The following ARIH1 variants were observed in gnomAD, a reference collection of about 807,000 sequenced individuals.
ARIH1 encodes the protein E3 ubiquitin-protein ligase ARIH1.
In ARIH1, 8 loss-of-function variants were observed where a neutral mutation model predicts 85.0. The observed-to-expected ratio is 0.09, with a 90% CI of 0.06 to 0.17. The LOEUF (loss-of-function observed/expected upper bound fraction) is 0.17, where lower values mean the gene tolerates loss of function less well. Ranked by LOEUF, ARIH1 falls within the 10% of genes least tolerant of loss-of-function variation. The pLI, the probability that ARIH1 is intolerant of heterozygous loss-of-function variation, is 1.00. For missense variants in ARIH1, 311 were observed against 718.1 expected, an observed-to-expected ratio of 0.43 and a Z score of 6.48; for synonymous variants, 238 against 253.6, an observed-to-expected ratio of 0.94 and a Z score of 0.59.
At chr15:72,570,811 T>C (rs1238709400) in intron 10 of ARIH1, among the ~76,000 whole-genome samples, 2 of 152,142 alleles carry the variant, frequency 1.3e-5, no homozygotes. Context: ...TTCCTTGTTT[T>C]ATTGATGACT....
chr15:72,506,695 A>G (rs1276272446), intron 1 of ARIH1, among the ~76,000 whole-genome samples: 1 of 152,154 alleles, frequency 6.6e-6, no homozygotes, highest in East Asian at 1.9e-4. Flanking sequence ...ACATGAGCCC[A>G]TGCTTCTGTA....
chr15:72,573,729 C>T (rs1347901305), intron 11 of ARIH1, among the ~76,000 whole-genome samples: 1 of 151,392 alleles, frequency 6.6e-6, no homozygotes, highest in African/African-American at 2.4e-5. Flanking sequence ...AAACAAAAAC[C>T]AGCTATAAAT....
At chr15:72,553,348 T>TAG (rs2064161047) in intron 3 of ARIH1, among the ~76,000 whole-genome samples, 1 of 152,216 alleles carries the variant, frequency 6.6e-6, no homozygotes, top group Admixed American at 6.5e-5. Flanking sequence ...AACAAAGTGT[T>TAG]AGTTACTATT....
At chr15:72,562,594 G>A (rs2064201859) in intron 6 of ARIH1, among the ~76,000 whole-genome samples, 1 of 151,298 alleles carries the variant, frequency 6.6e-6, no homozygotes, top group Non-Finnish European at 1.5e-5. Context: ...TTAGGAACTG[G>A]GTTTTTTGTT....
rs574377204 is a variant in ARIH1 at position 72,545,206 on chromosome 15, A to G, written c.588+242A>G. On this transcript the variant is annotated intron_variant, in intron 3 of 13. Transcript: ENST00000379887. ...TGTCCAAGTTGTCATTTATAGACCT[A>G]AATCTTTCTGGAGTTTATTCTATCA... 1.1e-4 allele frequency among the ~76,000 whole-genome samples: 17 copies of G among 152,328 alleles called. No individual in the cohort carries two copies. The South Asian group carries it at 1.7e-3, about 15-fold the overall frequency.
intron 1 of ARIH1, among the ~76,000 whole-genome samples, chr15:72,490,698 A>G (rs2063855655): frequency 1.3e-5 from 2 of 152,032 alleles, no homozygotes; most frequent in Non-Finnish European, 2.9e-5. Flanking sequence ...TTTATCATTC[A>G]TGACAAGCAG....
chr15:72,501,353 T>C (rs567122505), intron 1 of ARIH1, among the ~76,000 whole-genome samples: 4 of 152,358 alleles, frequency 2.6e-5, no homozygotes, highest in East Asian at 3.9e-4. Context: ...AATAATCTTA[T>C]GTTTGTTATT....
chr15:72,518,512 G>A lies in ARIH1; in HGVS notation c.443+378G>A, dbSNP rs142582183. Among the ~76,000 whole-genome samples, 17 of 152,158 alleles carry A rather than the reference G, an allele frequency of 1.1e-4. No homozygotes were observed. The East Asian group carries it at 1.2e-3, about 10-fold the overall frequency. On this transcript the variant is annotated intron_variant, in intron 2 of 13. Transcript: ENST00000379887. ...ACTTAAAAAGATTTCTTGCTCATCC[G>A]GGCATGGTGGCTCACGCCTGTGATC...
chr15:72,543,632 GAT>G (rs1235637135), intron 2 of ARIH1, among the ~76,000 whole-genome samples: 2 of 152,120 alleles, frequency 1.3e-5, no homozygotes, highest in African/African-American at 4.8e-5. Context: ...GGTACAGTAA[GAT>G]ATAGTAGCCT....
At chr15:72,508,462 T>A (rs1365587001) in intron 1 of ARIH1, among the ~76,000 whole-genome samples, 1 of 152,202 alleles carries the variant, frequency 6.6e-6, no homozygotes, top group Non-Finnish European at 1.5e-5. Context: ...AATTAAAAAA[T>A]AATTTCTCCA....
At position 72,499,092 on chromosome 15, in the gene ARIH1, C is replaced by T. The variant is rs541989129; in HGVS notation, c.376-18975C>T. ...GCCTCCCGGGTTCAAGCCATTCTCCCGCCTCATCCTCCTGAGTAGCTGGGA... is the reference window on the plus strand; with the variant it reads ...GCCTCCCGGGTTCAAGCCATTCTCCTGCCTCATCCTCCTGAGTAGCTGGGA... On this transcript the variant is annotated intron_variant, in intron 1 of 13. Transcript: ENST00000379887. 8.0e-5 allele frequency among the ~76,000 whole-genome samples: 12 copies of T among 149,180 alleles called. No individual in the cohort carries two copies. In the South Asian group the frequency reaches 2.1e-3, roughly 26 times the overall value.
chr15:72,474,872 G>T lies in ARIH1; in HGVS notation c.233G>T (p.Gly78Val). 1 of 1,423,942 alleles carries T rather than the reference G, an allele frequency of 7.0e-7. No individual in the cohort carries two copies. Among genetic ancestry groups the T allele is most frequent in the Non-Finnish European group, 9.2e-7 (1 of 1,082,682 alleles). 88.2% of individuals were successfully genotyped at this position (1,423,942 alleles called of 1,614,324 possible). The stretch of plus-strand genomic sequence containing the variant: ...GGCGGCAGCGCTCTGGGGCCCGGCG[G>T]TGGCGGCGGCGGCGGCGGCGGCGGT... ...GGGGSALGPG[G>V]GGGGGGGGGG... The change falls in exon 1 of 14, where the codon GGT becomes GTT. Residue 78 changes from glycine to valine, a missense_variant. Physicochemically the swap from Gly to Val is moderately radical, Grantham distance 109. Around this residue, in one of 3 missense-constraint regions of ARIH1, gnomAD observed 157 missense variants for 185.1 expected, o/e 0.85. Coordinates refer to ENST00000379887, the MANE Select transcript of ARIH1 (RefSeq NM_005744.5).
At chr15:72,489,247 C>CAAAAA (rs3028452) in intron 1 of ARIH1, among the ~76,000 whole-genome samples, 32 of 83,710 alleles carry the variant, frequency 3.8e-4, no homozygotes, top group Middle Eastern at 9.1e-3. Context: ...GACCATGTCT[C>CAAAAA]AAAAAAAAAA....
rs375251393 is a variant in ARIH1 at position 72,540,505 on chromosome 15, G to T, written c.444-4315G>T. ...GTGAATGGACCATATAATAAATACA[G>T]ATCAGAACAAATACATGAAACTTTG... On this transcript the variant is annotated intron_variant, in intron 2 of 13. Coordinates refer to ENST00000379887, the MANE Select transcript of ARIH1 (RefSeq NM_005744.5). Among the ~76,000 whole-genome samples, 20 of 152,164 alleles carry T rather than the reference G, an allele frequency of 1.3e-4. No individual in the cohort carries two copies. The East Asian group carries it at 2.3e-3, about 18-fold the overall frequency.
Position 72,549,261 on chromosome 15 carries a change from T to C in ARIH1, c.588+4297T>C, listed in dbSNP as rs535109585. ...CACCACCACACCTGTCTAATTTTTG[T>C]ATTTTTAGTAGACATGGGGTTCCAC... On this transcript the variant is annotated intron_variant, in intron 3 of 13. Coordinates refer to ENST00000379887, the MANE Select transcript of ARIH1 (RefSeq NM_005744.5). Among the ~76,000 whole-genome samples, 10 of 152,116 alleles carry C rather than the reference T, an allele frequency of 6.6e-5. No homozygotes were observed. The South Asian group carries it at 1.9e-3, about 28-fold the overall frequency.
intron 2 of ARIH1, among the ~76,000 whole-genome samples, chr15:72,539,064 A>C (rs573504294): frequency 2.6e-5 from 4 of 152,224 alleles, no homozygotes; most frequent in Non-Finnish European, 5.9e-5. Context: ...AGAGAAGCAC[A>C]GTCCTAGGAT....
chr15:72,562,150 G>GATTCTA (rs1176454067), intron 6 of ARIH1, among the ~76,000 whole-genome samples: 3 of 152,088 alleles, frequency 2.0e-5, no homozygotes, highest in Non-Finnish European at 4.4e-5. Flanking sequence ...TCATGTTTGA[G>GATTCTA]ATTCTAACCC....
At chr15:72,504,886 A>T (rs778524574) in intron 1 of ARIH1, among the ~76,000 whole-genome samples, 1 of 152,196 alleles carries the variant, frequency 6.6e-6, no homozygotes, top group Non-Finnish European at 1.5e-5. Context: ...AGCATTAATT[A>T]TGTTGACCCT....
intron 2 of ARIH1, among the ~76,000 whole-genome samples, chr15:72,522,458 T>G (rs2140413356): frequency 6.6e-6 from 1 of 152,122 alleles, no homozygotes; most frequent in South Asian, 2.1e-4. Flanking sequence ...AGGCTGAGGT[T>G]GTGGTGAGCT....
Sources: gnomAD v4.1 joint callset for allele counts (sites outside exome capture counted in the v4.1 genomes callset) on GRCh38, gnomAD v4.1.1 for gene constraint, gnomAD v4.1.1 regional missense constraint, MANE v1.5 for transcripts, NCBI Gene and HGNC (gene_info 2026-07-23, HGNC 2026-07-21) for gene names.